The following ZDHHC15 variants were observed in gnomAD, a reference collection of about 807,000 sequenced individuals.
The protein encoded by ZDHHC15 is palmitoyltransferase ZDHHC15.
Under a neutral mutation model 31.7 loss-of-function variants are expected in ZDHHC15, and 19 were observed. The ratio of observed to expected loss-of-function variants is 0.60; its 90% CI spans 0.42 to 0.88. The LOEUF is 0.88. ZDHHC15 is among the 40% of genes least tolerant of loss of function. The pLI is 0.00. For synonymous variants in ZDHHC15, 103 were observed against 90.0 expected (o/e 1.14, Z -0.82); for missense variants, 209 against 251.2 (o/e 0.83, Z 1.14).
chrX:75,492,265 A>G (rs2084910365), intron 2 of ZDHHC15, among the ~76,000 whole-genome samples: 1 of 111,737 alleles, frequency 8.9e-6, no homozygotes, highest in Non-Finnish European at 1.9e-5. Context: ...ATACAGGAGC[A>G]CCCAGATTCA....
At chrX:75,419,659 C>T (rs1341898243) in intron 9 of ZDHHC15, among the ~76,000 whole-genome samples, 7 of 109,858 alleles carry the variant, frequency 6.4e-5, no homozygotes, top group Non-Finnish European at 1.3e-4. Context: ...CGTATGTTTA[C>T]TGCGGCACTA....
At chrX:75,447,265 C>T (rs1006583107) in intron 4 of ZDHHC15, among the ~76,000 whole-genome samples, 3 of 112,192 alleles carry the variant, frequency 2.7e-5, no homozygotes, top group African/African-American at 9.7e-5. Flanking sequence ...GCAGCGGCAG[C>T]GTTTTGTCCT....
At chrX:75,442,101 T>G (rs1207131286) in intron 4 of ZDHHC15, among the ~76,000 whole-genome samples, 1 of 112,409 alleles carries the variant, frequency 8.9e-6, no homozygotes, top group Admixed American at 9.4e-5. Context: ...GCCCAGATAT[T>G]TGATTAAACA....
At chrX:75,397,141 A>G (rs2083307004) in intron 10 of ZDHHC15, among the ~76,000 whole-genome samples, 1 of 110,416 alleles carries the variant, frequency 9.1e-6, no homozygotes, top group Admixed American at 9.7e-5. Context: ...AGCCTGGCCA[A>G]CATGGTGAAA....
chrX:75,411,595 C>T (rs773846629), intron 10 of ZDHHC15, among the ~76,000 whole-genome samples: 11 of 112,012 alleles, frequency 9.8e-5, no homozygotes, highest in Admixed American at 3.8e-4. Context: ...GATAGATATC[C>T]CAATTAACCT....
At chrX:75,446,361 G>A (rs777620701) in intron 4 of ZDHHC15, among the ~76,000 whole-genome samples, 21 of 111,334 alleles carry the variant, frequency 1.9e-4, no homozygotes, top group East Asian at 5.7e-4. Flanking sequence ...AGGATTCAAA[G>A]GCTTAAGGAG....
At chrX:75,375,529 C>T (rs2083051195) in intron 11 of ZDHHC15, among the ~76,000 whole-genome samples, 1 of 110,810 alleles carries the variant, frequency 9.0e-6, no homozygotes, top group Admixed American at 9.6e-5. Context: ...AGCATAGTAC[C>T]CAATAGGTAG....
At chrX:75,508,988 G>T in intron 1 of ZDHHC15, among the ~76,000 whole-genome samples, 1 of 110,842 alleles carries the variant, frequency 9.0e-6, no homozygotes, top group Non-Finnish European at 1.9e-5. Context: ...ACTTTTTGAT[G>T]GGGTTGTTTG....
intron 1 of ZDHHC15, among the ~76,000 whole-genome samples, chrX:75,510,498 G>C (rs1217790542): frequency 4.4e-5 from 3 of 67,894 alleles, no homozygotes; most frequent in Admixed American, 3.4e-4. Context: ...TTTTCTGTCT[G>C]ATCAGTTTAT....
At chrX:75,430,610 T>C (rs1438937424) in intron 5 of ZDHHC15, among the ~76,000 whole-genome samples, 3 of 111,791 alleles carry the variant, frequency 2.7e-5, no homozygotes, top group Non-Finnish European at 5.7e-5. Flanking sequence ...CCTTCAAGGA[T>C]GGAGGGCATA....
chrX:75,433,177 G>A (rs1569325948), intron 4 of ZDHHC15, among the ~76,000 whole-genome samples: 1 of 111,852 alleles, frequency 8.9e-6, no homozygotes. Flanking sequence ...CTGCCTATCT[G>A]CTCTTGTAAT....
Position 75,374,687 on chromosome X carries a change from G to GTATA in ZDHHC15, c.*33-1746_*33-1743dup, listed in dbSNP as rs3076274. On this transcript the variant is annotated intron_variant, in intron 11 of 11. Transcript: ENST00000373367. Reference sequence around the variant, plus strand: ...TGTGTGTGTGTGTGTGTGTGTGTGTGTATATATATATAATATATGTATATA... The same window carrying GTATA: ...TGTGTGTGTGTGTGTGTGTGTGTGTGTATATATATATATATAATATATGTATATA... Among the ~76,000 whole-genome samples the GTATA allele has an allele frequency of 9.0e-3, 829 of 91,651 alleles. 4 individuals carry two copies. Among genetic ancestry groups the GTATA allele is most frequent in the East Asian group, 0.031 (87 of 2,796 alleles). The allele number at this position is 91,651 out of a possible 115,157, so 79.6% of individuals were successfully genotyped here.
intron 1 of ZDHHC15, among the ~76,000 whole-genome samples, chrX:75,520,503 T>A (rs2085427600): frequency 8.9e-6 from 1 of 111,755 alleles, no homozygotes; most frequent in Non-Finnish European, 1.9e-5. Flanking sequence ...GTGTTAGTCA[T>A]TATCATCATT....
At position 75,499,171 on chromosome X, in the gene ZDHHC15, A is replaced by C. The variant is rs183704642; in HGVS notation, c.163+6650T>G. Among the ~76,000 whole-genome samples, 389 of 111,832 alleles carry C rather than the reference A, an allele frequency of 3.5e-3. 1 individual carries two copies. The highest frequency in any genetic ancestry group is 0.012 in the African/African-American group (370 of 30,867). On this transcript the variant is annotated intron_variant, in intron 2 of 11. Transcript: ENST00000373367. ...AAGACTTAACCTAAGACCTGAAATC[A>C]TAAAAATTCCAGAAAATAACATGGG...
intron 3 of ZDHHC15, among the ~76,000 whole-genome samples, chrX:75,454,122 T>C (rs923697432): frequency 9.0e-5 from 10 of 111,645 alleles, no homozygotes; most frequent in African/African-American, 6.5e-5. Context: ...GATGACATGA[T>C]TGTATATTTA....
chrX:75,494,339 G>A (rs1337098132), intron 2 of ZDHHC15, among the ~76,000 whole-genome samples: 1 of 111,417 alleles, frequency 9.0e-6, no homozygotes. Flanking sequence ...AATCAATATC[G>A]TGAAAATGGC....
At chrX:75,497,976 C>T (rs901604828) in intron 2 of ZDHHC15, among the ~76,000 whole-genome samples, 1 of 106,546 alleles carries the variant, frequency 9.4e-6, no homozygotes, top group African/African-American at 3.5e-5. Flanking sequence ...TCTTGTTGCC[C>T]AGGCTGCAGT....
At chrX:75,462,433 T>A (rs2084331697) in intron 3 of ZDHHC15, among the ~76,000 whole-genome samples, 1 of 112,405 alleles carries the variant, frequency 8.9e-6, no homozygotes, top group Non-Finnish European at 1.9e-5. Context: ...ACCTGATAGA[T>A]ATCTACAGAA....
intron 1 of ZDHHC15, among the ~76,000 whole-genome samples, chrX:75,515,722 A>G: frequency 8.9e-6 from 1 of 111,819 alleles, no homozygotes; most frequent in Non-Finnish European, 1.9e-5. Context: ...ACATATTGGA[A>G]GTTCTGGCCA....
Sources: gnomAD v4.1 joint callset for allele counts (sites outside exome capture counted in the v4.1 genomes callset) on GRCh38, gnomAD v4.1.1 for gene constraint, MANE v1.5 for transcripts, NCBI Gene and HGNC (gene_info 2026-07-23, HGNC 2026-07-21) for gene names.